Variants in DCX observed in about 807,000 individuals in gnomAD.
DCX encodes the protein neuronal migration protein doublecortin.
A neutral mutation model predicts 20.9 loss-of-function variants in DCX; 4 were observed. The ratio of observed to expected loss-of-function variants is 0.19; its 90% CI spans 0.09 to 0.44. The LOEUF is 0.44. Ranked by LOEUF, DCX falls within the 20% of genes least tolerant of loss-of-function variation. DCX has a pLI of 0.99. For missense variants in DCX, 133 were observed against 296.9 expected (o/e 0.45, Z 4.06); for synonymous variants, 103 against 111.4 (o/e 0.92, Z 0.47).
chrX:111,362,498 C>T (rs1355348769), intron 3 of DCX, among the ~76,000 whole-genome samples: 2 of 111,574 alleles, frequency 1.8e-5, no homozygotes, highest in African/African-American at 6.5e-5. Flanking sequence ...TCCTCCTAGC[C>T]TCCAAAGAAC....
At chrX:111,312,994 G>A (rs1405691347) in intron 5 of DCX, among the ~76,000 whole-genome samples, 1 of 111,706 alleles carries the variant, frequency 9.0e-6, no homozygotes, top group Non-Finnish European at 1.9e-5. Context: ...CCAATCACAG[G>A]GGTCTGTTTC....
At chrX:111,327,016 A>G (rs1229405632) in intron 5 of DCX, among the ~76,000 whole-genome samples, 4 of 111,763 alleles carry the variant, frequency 3.6e-5, no homozygotes, top group South Asian at 3.7e-4. Flanking sequence ...AAACCTGTAT[A>G]TTTTCCAATG....
chrX:111,312,884 A>G, intron 5 of DCX, 148 bp from the exon 6 acceptor site: 2 of 558,730 alleles, frequency 3.6e-6, no homozygotes, highest in South Asian at 5.4e-5. Context: ...GGTGAAAAGA[A>G]ACACATTCCT....
intron 6 of DCX, among the ~76,000 whole-genome samples, chrX:111,308,308 G>A (rs915361431): frequency 8.9e-6 from 1 of 112,129 alleles, no homozygotes; most frequent in Non-Finnish European, 1.9e-5. Flanking sequence ...GGAGCTTATA[G>A]TCCAAAGGAA....
At chrX:111,334,585 G>A (rs992424183) in intron 3 of DCX, among the ~76,000 whole-genome samples, 2 of 112,223 alleles carry the variant, frequency 1.8e-5, no homozygotes, top group African/African-American at 6.5e-5. Flanking sequence ...TACTATTTTA[G>A]GCTTGAGAAA....
In DCX at chrX:111,384,520, C is replaced by T. The variant is rs760235474; in HGVS notation, c.705+16470G>A. Among the ~76,000 whole-genome samples the T allele has an allele frequency of 4.5e-5, 5 of 111,196 alleles. No individual in the cohort carries two copies. In the Admixed American group the frequency reaches 4.8e-4, roughly 11 times the overall value. ...TTTGTCTTCTTGACTAGATTGTAAGCACCTCAAAACTAGATACTTTATTTT... is the reference window on the plus strand; with the variant it reads ...TTTGTCTTCTTGACTAGATTGTAAGTACCTCAAAACTAGATACTTTATTTT... On this transcript the variant is annotated intron_variant, in intron 3 of 6. Transcript: ENST00000636035.
chrX:111,400,925 T>C (rs762868105), intron 3 of DCX, 65 bp downstream of exon 3: 2 of 981,324 alleles, frequency 2.0e-6, no homozygotes, highest in Non-Finnish European at 2.9e-6. Context: ...AATGATATTT[T>C]AGGTATAACA....
chrX:111,379,065 C>T (rs1244308156), intron 3 of DCX, among the ~76,000 whole-genome samples: 3 of 111,900 alleles, frequency 2.7e-5, no homozygotes, highest in African/African-American at 6.5e-5. Flanking sequence ...TAAACGTCTG[C>T]TTTTTATAAA....
At chrX:111,399,877 C>A (rs1217725277) in intron 3 of DCX, among the ~76,000 whole-genome samples, 1 of 111,483 alleles carries the variant, frequency 9.0e-6, no homozygotes, top group Non-Finnish European at 1.9e-5. Flanking sequence ...TGATGGGAAA[C>A]AAAGCCAAAT....
At chrX:111,384,512 A>G (rs1926224471) in intron 3 of DCX, among the ~76,000 whole-genome samples, 1 of 111,252 alleles carries the variant, frequency 9.0e-6, no homozygotes, top group African/African-American at 3.3e-5. Context: ...TCTTGACTAG[A>G]TTGTAAGCAC....
chrX:111,410,453 G>C (rs749601627), intron 1 of DCX, 33 bp from the exon 2 acceptor site: 2 of 1,202,746 alleles, frequency 1.7e-6, no homozygotes, highest in East Asian at 3.0e-5. Context: ...GGGGTGAAGA[G>C]AGGCAAAAAC....
chrX:111,404,435 A>AGCT (rs1472408826), intron 2 of DCX, among the ~76,000 whole-genome samples: 2 of 112,197 alleles, frequency 1.8e-5, no homozygotes, highest in African/African-American at 6.5e-5. Flanking sequence ...CACCCAGTAA[A>AGCT]GCTGCTGCTG....
At chrX:111,363,535 G>A (rs954811771) in intron 3 of DCX, among the ~76,000 whole-genome samples, 9 of 107,567 alleles carry the variant, frequency 8.4e-5, no homozygotes, top group African/African-American at 2.7e-4. Flanking sequence ...GCCTTGTTCT[G>A]TTTGAGTTTT....
chrX:111,364,668 C>A (rs1219516497), intron 3 of DCX, among the ~76,000 whole-genome samples: 1 of 111,738 alleles, frequency 8.9e-6, no homozygotes, highest in African/African-American at 3.3e-5. Context: ...CCTAAATTTT[C>A]ATCAGTAGGA....
rs982553376 is a variant in DCX, at chrX:111,331,179, T to A, written c.809-138A>T. 5 of 747,152 alleles carry A rather than the reference T, an allele frequency of 6.7e-6. No homozygotes were observed. In the African/African-American group the frequency reaches 8.3e-5, roughly 12 times the overall value. The allele number at this position is 747,152 out of a possible 1,213,427, so 61.6% of individuals were successfully genotyped here. A position where few individuals can be genotyped will look rare whatever the true frequency, so the allele number is the denominator to read the frequency against. On this transcript the variant is annotated intron_variant, in intron 4 of 6. Coordinates refer to ENST00000636035, the MANE Select transcript of DCX (RefSeq NM_001195553.2). ...ACTACAATGTGGTCCTTATTATTAGTAGGAGCCATGGTTCTGGGGAGGGAG... is the reference window on the plus strand; with the variant it reads ...ACTACAATGTGGTCCTTATTATTAGAAGGAGCCATGGTTCTGGGGAGGGAG...
At chrX:111,411,513 C>G (rs1414918107) in intron 1 of DCX, 1 of 113,215 alleles carries the variant, frequency 8.8e-6, no homozygotes, top group South Asian at 3.8e-4. Context: ...CTGTTGAACC[C>G]CCTCCCCCAC....
chrX:111,342,693 G>C lies in DCX; in HGVS notation c.706-9540C>G, dbSNP rs753779670. ...AAAACACTCCTCAGCAAAAGCAAAA[G>C]AACTGAAATCCTAACAAACGGTCTC... On this transcript the variant is annotated intron_variant, in intron 3 of 6. Coordinates refer to ENST00000636035, the MANE Select transcript of DCX (RefSeq NM_001195553.2). 3.7e-5 allele frequency among the ~76,000 whole-genome samples: 4 copies of C among 109,390 alleles called. No individual in the cohort carries two copies. The East Asian group carries it at 1.2e-3, about 32-fold the overall frequency. The allele number at this position is 109,390 out of a possible 115,157, so 95.0% of individuals were successfully genotyped here.
chrX:111,353,117 C>T (rs755363733), intron 3 of DCX, among the ~76,000 whole-genome samples: 2 of 111,711 alleles, frequency 1.8e-5, no homozygotes, highest in Non-Finnish European at 3.8e-5. Context: ...TTTGGAACAA[C>T]AACAAAAAGT....
chrX:111,313,624 C>T (rs1298665449), intron 5 of DCX, among the ~76,000 whole-genome samples: 1 of 112,054 alleles, frequency 8.9e-6, no homozygotes, highest in African/African-American at 3.2e-5. Context: ...TCTTTTTAAA[C>T]ATCTTTATAT....
Sources: allele counts gnomAD v4.1 joint callset (sites outside exome capture counted in the v4.1 genomes callset), GRCh38; gene constraint gnomAD v4.1.1; transcripts MANE v1.5; gene names NCBI Gene and HGNC (gene_info 2026-07-23, HGNC 2026-07-21).